The following CIB1 variants were observed in gnomAD, a reference collection of about 807,000 sequenced individuals.
The protein encoded by CIB1 is calcium and integrin-binding protein 1.
A neutral mutation model predicts 25.0 loss-of-function variants in CIB1; 19 were observed. The observed-to-expected ratio is 0.76, with a 90% confidence interval of 0.53 to 1.12. The LOEUF is 1.12. Among genes scored for constraint, CIB1 ranks in the 50% most tolerant of loss-of-function variants. CIB1 has a pLI of 0.00. For missense variants in CIB1, 236 were observed against 242.6 expected (o/e 0.97, Z 0.18); for synonymous variants, 104 against 98.5 (o/e 1.06, Z -0.33).
chr15:90,256,211 T>C, the CIB1 span: 2 of 1,614,206 alleles, frequency 1.2e-6, no homozygotes, highest in African/African-American at 2.7e-5. Context: ...AGACAGTGGC[T>C]GTCAGGGACG....
the CIB1 span, chr15:90,255,670 A>G: frequency 4.4e-6 from 7 of 1,589,806 alleles, no homozygotes; most frequent in Admixed American, 3.4e-5. Context: ...AACCTTCCCA[A>G]TCCTCCTCCA....
At chr15:90,242,063 A>T in the CIB1 span, 81 of 1,597,330 alleles carry the variant, frequency 5.1e-5, 1 homozygote, top group African/African-American at 8.3e-4. Flanking sequence ...AGGAAGAGCA[A>T]TAATACTTCT....
intron 3 of CIB1, 113 bp from the exon 4 acceptor site, chr15:90,231,620 G>A (rs1962495381): frequency 7.9e-7 from 1 of 1,269,366 alleles, no homozygotes; most frequent in Non-Finnish European, 1.1e-6. Context: ...GCCTCGTGGG[G>A]GTGAACAGTC....
At chr15:90,265,636 C>T in the CIB1 span, 1 of 1,565,088 alleles carries the variant, frequency 6.4e-7, no homozygotes. Context: ...TCCGGCCCGC[C>T]CCTTCCACTT....
the CIB1 span, among the ~76,000 whole-genome samples, chr15:90,261,586 C>G: frequency 1.3e-5 from 2 of 151,850 alleles, no homozygotes; most frequent in Non-Finnish European, 2.9e-5. Context: ...TGAGGTCCGG[C>G]CTTGCCAACG....
At chr15:90,257,079 A>G in the CIB1 span, 3 of 1,512,924 alleles carry the variant, frequency 2.0e-6, no homozygotes, top group East Asian at 6.9e-5. Flanking sequence ...CACTTAGAAC[A>G]GCACATAGTA....
chr15:90,263,139 G>C, the CIB1 span: 1 of 1,524,406 alleles, frequency 6.6e-7, no homozygotes, highest in Admixed American at 2.1e-5. Flanking sequence ...AACTTCATGA[G>C]AGTCGGGTGA....
At chr15:90,258,319 T>G in the CIB1 span, 1 of 1,491,354 alleles carries the variant, frequency 6.7e-7, no homozygotes, top group Non-Finnish European at 9.3e-7. Context: ...GAGGCCTCCT[T>G]GAATAGGACA....
At chr15:90,250,106 G>T in the CIB1 span, among the ~76,000 whole-genome samples, 5 of 150,626 alleles carry the variant, frequency 3.3e-5, no homozygotes, top group African/African-American at 1.2e-4. Context: ...TACAGGCAAC[G>T]CACCAGCACA....
chr15:90,258,303 G>C, the CIB1 span: 1 of 1,589,094 alleles, frequency 6.3e-7, no homozygotes, highest in South Asian at 1.1e-5. Flanking sequence ...GCAAAACCAA[G>C]GTCCAGAGGC....
At chr15:90,235,868 G>C (rs1057125299), upstream of CIB1, among the ~76,000 whole-genome samples, 15 of 151,768 alleles carry the variant, frequency 9.9e-5, no homozygotes, top group African/African-American at 3.4e-4. Flanking sequence ...GTGCCCGGCC[G>C]ATCATTTTTC....
the CIB1 span, chr15:90,249,619 G>A: frequency 2.0e-5 from 3 of 152,406 alleles, no homozygotes; most frequent in South Asian, 6.2e-4. Flanking sequence ...AACCCCTGCG[G>A]GGGAGCAGCT....
At chr15:90,234,059 G>C, upstream of CIB1, 1 of 718,574 alleles carries the variant, frequency 1.4e-6, no homozygotes, top group Non-Finnish European at 2.1e-6. Context: ...GGTTTGGCAG[G>C]CGAGCTGCCG....
chr15:90,265,649 GGTCTTACCCGGCT>G, the CIB1 span: 2 of 1,592,726 alleles, frequency 1.3e-6, no homozygotes, highest in East Asian at 2.2e-5. Context: ...TTCCACTTCC[GGTCTTACCCGGCT>G]ACTTCCGCTG....
At position 90,231,482 on chromosome 15, in the gene CIB1, C is replaced by A; in HGVS notation, c.221G>T (p.Cys74Phe). The change falls in exon 4 of 7, where the codon TGC becomes TTC. Residue 74 changes from cysteine (C) to phenylalanine (F), a missense_variant. By Grantham distance (205) the Cys-to-Phe change is radical. Transcript: ENST00000328649. ...GGCTGGGGATGTGGAGAAGACCCTG[C>A]AGATTCGCTCCTTGAAGGGGTTGGC... ...LKANPFKERI[C>F]RVFSTSPAKD... 1.2e-6 allele frequency: 2 copies of A among 1,614,094 alleles called. No individual in the cohort carries two copies. Among genetic ancestry groups the A allele is most frequent in the African/African-American group, 2.7e-5 (2 of 75,064 alleles).
At chr15:90,263,124 G>GA in the CIB1 span, 14,950 of 1,526,384 alleles carry the variant, frequency 9.8e-3, 97 homozygotes, top group Non-Finnish European at 0.012. Flanking sequence ...CCCAGGGCCA[G>GA]AAAAAACTTC....
intron 6 of CIB1, 50 bp from the exon 7 acceptor site, chr15:90,230,555 A>G (rs1330343967): frequency 1.9e-6 from 3 of 1,545,572 alleles, no homozygotes; most frequent in Non-Finnish European, 2.6e-6. Context: ...GAGGGCAGGG[A>G]CTAAACCCGA....
At chr15:90,239,684 G>GA in the CIB1 span, among the ~76,000 whole-genome samples, 1 of 152,184 alleles carries the variant, frequency 6.6e-6, no homozygotes, top group East Asian at 1.9e-4. Flanking sequence ...AATTTGGGTG[G>GA]AGACATAGCC....
chr15:90,245,761 G>A, the CIB1 span: 2 of 152,120 alleles, frequency 1.3e-5, no homozygotes, highest in Non-Finnish European at 2.9e-5. Context: ...ACTCAAATAT[G>A]TTTCTCCATA....
Sources: allele counts gnomAD v4.1 joint callset (sites outside exome capture counted in the v4.1 genomes callset), GRCh38; gene constraint gnomAD v4.1.1; transcripts MANE v1.5; gene names NCBI Gene and HGNC (gene_info 2026-07-23, HGNC 2026-07-21).